Variants in L3MBTL4 observed in about 807,000 individuals in gnomAD.
The protein encoded by L3MBTL4 is L3MBTL histone methyl-lysine binding protein 4.
L3MBTL4 carries 70 observed loss-of-function variants against 84.5 expected under a neutral mutation model. The ratio of observed to expected loss-of-function variants is 0.83; its 90% CI spans 0.68 to 1.01. The LOEUF (loss-of-function observed/expected upper bound fraction) is 1.01. Ranked by LOEUF, L3MBTL4 falls within the 50% of genes least tolerant of loss-of-function variation. The pLI, the probability that L3MBTL4 is intolerant of heterozygous loss-of-function variation, is 0.00. For synonymous variants in L3MBTL4, 274 were observed against 259.8 expected (o/e 1.05, Z -0.52); for missense variants, 715 against 754.8 (o/e 0.95, Z 0.62).
At chr18:6,079,006 G>A (rs899582068) in intron 16 of L3MBTL4, among the ~76,000 whole-genome samples, 11 of 152,168 alleles carry the variant, frequency 7.2e-5, no homozygotes, top group Non-Finnish European at 1.5e-4. Flanking sequence ...TGCTGCAGCT[G>A]ATCTGACAGG....
chr18:6,009,659 T>C (rs1314644805), intron 16 of L3MBTL4, among the ~76,000 whole-genome samples: 2 of 152,310 alleles, frequency 1.3e-5, no homozygotes, highest in East Asian at 3.9e-4. Context: ...TTACTAATAA[T>C]ACCTAACATA....
intron 13 of L3MBTL4, among the ~76,000 whole-genome samples, chr18:6,151,877 C>T (rs1046136199): frequency 6.6e-6 from 1 of 152,168 alleles, no homozygotes; most frequent in African/African-American, 2.4e-5. Flanking sequence ...ATTTGGCCAA[C>T]ATTTCTCCAT....
intron 14 of L3MBTL4, among the ~76,000 whole-genome samples, chr18:6,108,803 T>G (rs72874052): frequency 0.038 from 5,809 of 152,104 alleles, 161 homozygotes; most frequent in South Asian, 0.11. Context: ...CTCAAACAAT[T>G]AAAAATAACA....
intron 9 of L3MBTL4, among the ~76,000 whole-genome samples, chr18:6,238,869 C>T (rs1384831733): frequency 4.0e-5 from 6 of 148,336 alleles, no homozygotes; most frequent in South Asian, 4.2e-4. Flanking sequence ...TGGAGAAATG[C>T]TATAAAAATT....
intron 13 of L3MBTL4, among the ~76,000 whole-genome samples, chr18:6,141,368 A>G (rs1343660796): frequency 6.6e-6 from 1 of 152,128 alleles, no homozygotes; most frequent in Non-Finnish European, 1.5e-5. Context: ...TACCAACTGC[A>G]TGCTACAGAT....
chr18:6,189,304 C>CT (rs1273362777), intron 12 of L3MBTL4, among the ~76,000 whole-genome samples: 2 of 152,136 alleles, frequency 1.3e-5, no homozygotes, highest in East Asian at 3.9e-4. Flanking sequence ...TTAATTAAAT[C>CT]TTCAAATATC....
chr18:6,133,359 TCCCC>T (rs1041319313), intron 14 of L3MBTL4, among the ~76,000 whole-genome samples: 2 of 142,116 alleles, frequency 1.4e-5, no homozygotes, highest in East Asian at 4.0e-4. Flanking sequence ...ACACACACAC[TCCCC>T]CCACACACAA....
At chr18:6,318,543 T>C (rs1205282642) in intron 1 of L3MBTL4, among the ~76,000 whole-genome samples, 1 of 67,110 alleles carries the variant, frequency 1.5e-5, no homozygotes, top group Non-Finnish European at 3.1e-5. Context: ...AAGGTCATTA[T>C]ATAATAATAA....
At chr18:6,185,982 TTA>T (rs1245909162) in intron 12 of L3MBTL4, among the ~76,000 whole-genome samples, 5 of 147,920 alleles carry the variant, frequency 3.4e-5, no homozygotes, top group African/African-American at 1.3e-4. Flanking sequence ...TTATTTTATT[TTA>T]TTTTATTTTA....
At chr18:6,311,506 G>A in intron 3 of L3MBTL4, 48 bp downstream of exon 3, 6 of 1,475,604 alleles carry the variant, frequency 4.1e-6, no homozygotes, top group Non-Finnish European at 5.7e-6. Flanking sequence ...GGTGCATTTT[G>A]GTAGCGATCA....
chr18:6,003,566 A>T (rs1023052253), intron 16 of L3MBTL4, among the ~76,000 whole-genome samples: 1 of 152,050 alleles, frequency 6.6e-6, no homozygotes, highest in East Asian at 1.9e-4. Context: ...GCTAACAGGC[A>T]TAAACAGGAC....
At chr18:5,993,980 C>T (rs191169826) in intron 16 of L3MBTL4, among the ~76,000 whole-genome samples, 8 of 152,294 alleles carry the variant, frequency 5.3e-5, no homozygotes, top group Admixed American at 2.0e-4. Context: ...AAAGGAACAA[C>T]GGTCCCAAAC....
chr18:5,959,302 G>C (rs755951481), intron 18 of L3MBTL4, among the ~76,000 whole-genome samples: 1 of 152,132 alleles, frequency 6.6e-6, no homozygotes, highest in Admixed American at 6.5e-5. Context: ...ACCTTCCTGG[G>C]CCTGAGCTTC....
chr18:6,355,198 G>T (rs546397527), intron 1 of L3MBTL4, among the ~76,000 whole-genome samples: 3 of 152,264 alleles, frequency 2.0e-5, no homozygotes, highest in African/African-American at 7.2e-5. Flanking sequence ...TGGATTGTGT[G>T]TAACGCAAAG....
intron 1 of L3MBTL4, among the ~76,000 whole-genome samples, chr18:6,342,050 T>C (rs745313530): frequency 6.6e-6 from 1 of 151,958 alleles, no homozygotes; most frequent in South Asian, 2.1e-4. Context: ...CCTTAAGAAA[T>C]AGAGACAGAA....
chr18:6,316,753 T>C (rs980310108), intron 1 of L3MBTL4, among the ~76,000 whole-genome samples: 2 of 151,790 alleles, frequency 1.3e-5, no homozygotes, highest in Admixed American at 6.6e-5. Flanking sequence ...CATCTGGGAG[T>C]TGGATCACTT....
Position 6,362,415 on chromosome 18 carries a change from G to A in L3MBTL4, c.-90-50359C>T, listed in dbSNP as rs114011067. On this transcript the variant is annotated intron_variant, in intron 1 of 18. Coordinates refer to ENST00000317931, the MANE Select transcript of L3MBTL4 (RefSeq NM_001330559.2). ...TCACGTAGACCATCTTTATACTTTT[G>A]TCTGCTCAGCAGCCCTCTCTCCTTC... 7.1e-3 allele frequency among the ~76,000 whole-genome samples: 1,074 copies of A among 152,276 alleles called. 21 individuals carry two copies. Among genetic ancestry groups the A allele is most frequent in the African/African-American group, 0.025 (1,031 of 41,560 alleles).
chr18:6,277,726 A>G (rs1306633351), intron 4 of L3MBTL4, among the ~76,000 whole-genome samples: 1 of 152,086 alleles, frequency 6.6e-6, no homozygotes, highest in Non-Finnish European at 1.5e-5. Context: ...AACTTACTCT[A>G]AATATTTTAT....
chr18:6,189,071 C>G (rs1481453736), intron 12 of L3MBTL4, among the ~76,000 whole-genome samples: 1 of 152,198 alleles, frequency 6.6e-6, no homozygotes, highest in Admixed American at 6.5e-5. Context: ...GGTAGGGCCA[C>G]ACTCCATCTG....
Sources: gnomAD v4.1 joint callset for allele counts (sites outside exome capture counted in the v4.1 genomes callset) on GRCh38, gnomAD v4.1.1 for gene constraint, MANE v1.5 for transcripts, NCBI Gene and HGNC (gene_info 2026-07-23, HGNC 2026-07-21) for gene names.